TMEM132D: variants seen among roughly 807,000 people sequenced by gnomAD.
The protein encoded by TMEM132D is mature OL transmembrane protein.
A neutral mutation model predicts 62.3 loss-of-function variants in TMEM132D; 21 were observed. The observed-to-expected ratio is 0.34, with a 90% confidence interval of 0.24 to 0.49. The LOEUF (loss-of-function observed/expected upper bound fraction) is 0.49, where lower values mean the gene tolerates loss of function less well. Ranked by LOEUF, TMEM132D falls within the 20% of genes least tolerant of loss-of-function variation. The probability of loss-of-function intolerance (pLI) is 0.99; values close to 1 mark genes in which losing one functional copy is unlikely to be tolerated. For missense variants in TMEM132D, 1,346 were observed against 1,402.8 expected (o/e 0.96, Z 0.65); for synonymous variants, 621 against 575.6 (o/e 1.08, Z -1.13).
intron 2 of TMEM132D, among the ~76,000 whole-genome samples, chr12:129,605,022 C>T (rs1441711874): frequency 1.3e-5 from 2 of 152,168 alleles, no homozygotes; most frequent in Admixed American, 6.5e-5. Flanking sequence ...TTAGTATTTT[C>T]CTGTTCATTG....
chr12:129,257,488 C>T (rs901345944), intron 4 of TMEM132D, among the ~76,000 whole-genome samples: 3 of 152,208 alleles, frequency 2.0e-5, no homozygotes, highest in Admixed American at 1.3e-4. Context: ...GGATTACAGG[C>T]GTGAGCCACT....
intron 1 of TMEM132D, among the ~76,000 whole-genome samples, chr12:129,716,530 A>C (rs1449587480): frequency 1.3e-5 from 2 of 152,216 alleles, no homozygotes; most frequent in Non-Finnish European, 2.9e-5. Context: ...CGCCAAAATG[A>C]ATCCTAATAT....
chr12:129,608,017 CTG>C (rs1878675520), intron 2 of TMEM132D, among the ~76,000 whole-genome samples: 2 of 152,148 alleles, frequency 1.3e-5, no homozygotes, highest in South Asian at 4.1e-4. Flanking sequence ...TCTGTGGAGT[CTG>C]TGAAATATTG....
intron 3 of TMEM132D, among the ~76,000 whole-genome samples, chr12:129,473,582 C>T (rs970243971): frequency 1.3e-5 from 2 of 152,086 alleles, no homozygotes; most frequent in African/African-American, 4.8e-5. Context: ...CTGCCCGCCT[C>T]GGCCTCCCAA....
chr12:129,556,021 G>GT (rs1434829416), intron 2 of TMEM132D, among the ~76,000 whole-genome samples: 1 of 152,136 alleles, frequency 6.6e-6, no homozygotes, highest in African/African-American at 2.4e-5. Flanking sequence ...CCGACTTATG[G>GT]TTTTTCCATG....
intron 4 of TMEM132D, among the ~76,000 whole-genome samples, chr12:129,288,600 C>G (rs961822840): frequency 1.3e-5 from 2 of 152,136 alleles, no homozygotes; most frequent in African/African-American, 2.4e-5. Context: ...AAGACAAAGA[C>G]AGCAAGCGTT....
intron 1 of TMEM132D, among the ~76,000 whole-genome samples, chr12:129,891,706 T>C (rs556792513): frequency 3.9e-5 from 6 of 152,310 alleles, no homozygotes; most frequent in African/African-American, 1.4e-4. Context: ...AGTAGAAAAG[T>C]ATAAATTATG....
chr12:129,499,456 G>A (rs1158733799), intron 3 of TMEM132D, among the ~76,000 whole-genome samples: 1 of 152,216 alleles, frequency 6.6e-6, no homozygotes, highest in Non-Finnish European at 1.5e-5. Flanking sequence ...TAATAGAAAT[G>A]TGATATTCTA....
chr12:129,129,287 C>T (rs903913070), intron 5 of TMEM132D, among the ~76,000 whole-genome samples: 5 of 152,118 alleles, frequency 3.3e-5, no homozygotes, highest in African/African-American at 1.2e-4. Flanking sequence ...TAATGGCTTC[C>T]AGCTGCATCC....
intron 1 of TMEM132D, among the ~76,000 whole-genome samples, chr12:129,897,265 A>C (rs1875173127): frequency 6.6e-6 from 1 of 152,218 alleles, no homozygotes; most frequent in Admixed American, 6.5e-5. Flanking sequence ...CTGGCGTCAA[A>C]CATCAAAATC....
Position 129,903,679 on chromosome 12 carries a change from C to G in TMEM132D, c.-340G>C, listed in dbSNP as rs976486343. Reference sequence around the variant, plus strand: ...GAGCGAAGAGTGGCCCCCGGTGGCCCAAGGAGGGGCGCCTCCAGGCGCAGG... The same window carrying G: ...GAGCGAAGAGTGGCCCCCGGTGGCCGAAGGAGGGGCGCCTCCAGGCGCAGG... On this transcript the variant is annotated 5_prime_UTR_variant, in exon 1 of 9. Coordinates refer to ENST00000422113, the MANE Select transcript of TMEM132D (RefSeq NM_133448.3). The surrounding 1 kb of genome is among the most constrained non-coding windows in gnomAD (Gnocchi z 6.2). 3 of 183,374 alleles carry G rather than the reference C, an allele frequency of 1.6e-5. No individual in the cohort carries two copies. The highest frequency in any genetic ancestry group is 3.4e-5 in the Non-Finnish European group (3 of 88,946). 11.4% of individuals were successfully genotyped at this position (183,374 alleles called of 1,614,324 possible).
chr12:129,854,999 A>C (rs1566009725), intron 1 of TMEM132D: 1 of 152,444 alleles, frequency 6.6e-6, no homozygotes, highest in South Asian at 2.1e-4. Flanking sequence ...CCCCAAATTA[A>C]TGCTGAGATC....
chr12:129,601,324 G>A (rs979298822), intron 2 of TMEM132D, among the ~76,000 whole-genome samples: 6 of 152,164 alleles, frequency 3.9e-5, no homozygotes, highest in Non-Finnish European at 7.3e-5. Context: ...AGAATGCTGT[G>A]ACTAGCTTGA....
At chr12:129,503,745 G>A (rs553095570) in intron 3 of TMEM132D, among the ~76,000 whole-genome samples, 77 of 152,108 alleles carry the variant, frequency 5.1e-4, no homozygotes, top group Non-Finnish European at 1.0e-3. Context: ...TGGGAGACAA[G>A]CAAAAAGATT....
chr12:129,338,775 G>A (rs1341506608), intron 3 of TMEM132D, among the ~76,000 whole-genome samples: 7 of 152,124 alleles, frequency 4.6e-5, no homozygotes, highest in African/African-American at 9.7e-5. Flanking sequence ...AGGAGAATAA[G>A]GTTTGTTCTT....
chr12:129,758,438 AAATT>A (rs1593150194), intron 1 of TMEM132D, among the ~76,000 whole-genome samples: 2 of 152,198 alleles, frequency 1.3e-5, no homozygotes, highest in East Asian at 1.9e-4. Context: ...AATAAAATTA[AAATT>A]AATTATTAAT....
chr12:129,882,194 C>G (rs2137386513), intron 1 of TMEM132D, among the ~76,000 whole-genome samples: 1 of 151,990 alleles, frequency 6.6e-6, no homozygotes. Context: ...GTAAACCAAA[C>G]ATTTAAAGAA....
chr12:129,457,403 A>G (rs985351909), intron 3 of TMEM132D, among the ~76,000 whole-genome samples: 4 of 138,384 alleles, frequency 2.9e-5, no homozygotes, highest in Non-Finnish European at 6.2e-5. Flanking sequence ...GAACACATGG[A>G]CACAGGAAGG....
intron 1 of TMEM132D, among the ~76,000 whole-genome samples, chr12:129,890,926 GT>G (rs1874902230): frequency 6.6e-6 from 1 of 152,202 alleles, no homozygotes; most frequent in African/African-American, 2.4e-5. Context: ...GAACGTGAAA[GT>G]TTCATGCAGG....
Sources: gnomAD v4.1 joint callset for allele counts (sites outside exome capture counted in the v4.1 genomes callset) on GRCh38, gnomAD v4.1.1 for gene constraint, Gnocchi (gnomAD v3.1) non-coding constraint, MANE v1.5 for transcripts, NCBI Gene and HGNC (gene_info 2026-07-23, HGNC 2026-07-21) for gene names.